The following STAC variants were observed in gnomAD, a reference collection of about 807,000 sequenced individuals.
STAC encodes the protein SH3 and cysteine rich domain, also known as SH3 and cysteine-rich domain-containing protein.
A neutral mutation model predicts 48.8 loss-of-function variants in STAC; 43 were observed. The observed-to-expected ratio is 0.88, with a 90% CI of 0.69 to 1.14. The LOEUF (loss-of-function observed/expected upper bound fraction) is 1.14. Ranked by LOEUF, STAC falls within the 50% of genes most tolerant of loss-of-function variation. STAC has a pLI of 0.00. For synonymous variants in STAC, 193 were observed against 179.5 expected (o/e 1.07, Z -0.60); for missense variants, 497 against 504.0 (o/e 0.99, Z 0.13).
chr3:36,532,136 A>G (rs1313931219), intron 10 of STAC, among the ~76,000 whole-genome samples: 1 of 152,170 alleles, frequency 6.6e-6, no homozygotes, highest in South Asian at 2.1e-4. Context: ...ATATCCAACA[A>G]TTGCTATATC....
At chr3:36,484,922 G>A (rs1697761056) in intron 3 of STAC, 55 bp from the exon 4 acceptor site, 3 of 1,438,708 alleles carry the variant, frequency 2.1e-6, no homozygotes, top group Non-Finnish European at 1.9e-6. Flanking sequence ...GCTCTTGTAT[G>A]GTTTTCTCCA....
chr3:36,416,192 C>T (rs1700315362), intron 1 of STAC, among the ~76,000 whole-genome samples: 1 of 152,102 alleles, frequency 6.6e-6, no homozygotes, highest in Non-Finnish European at 1.5e-5. Flanking sequence ...TTAGTCAGGC[C>T]AAGCATGGTG....
At chr3:36,444,906 G>C (rs910100948) in intron 2 of STAC, among the ~76,000 whole-genome samples, 69 of 152,150 alleles carry the variant, frequency 4.5e-4, no homozygotes, top group African/African-American at 1.6e-3. Context: ...GGGCGATGGA[G>C]GGTCTCATCA....
chr3:36,458,037 GT>G (rs1168524685), intron 2 of STAC, among the ~76,000 whole-genome samples: 9 of 152,182 alleles, frequency 5.9e-5, no homozygotes, highest in African/African-American at 7.2e-5. Flanking sequence ...CTAAGACAGG[GT>G]TGGAAAAGAT....
intron 1 of STAC, among the ~76,000 whole-genome samples, chr3:36,441,511 T>C (rs1477047082): frequency 1.3e-5 from 2 of 152,206 alleles, no homozygotes; most frequent in African/African-American, 2.4e-5. Flanking sequence ...GACCCATAGA[T>C]TGACTCCATA....
At chr3:36,460,701 C>T (rs901173709) in intron 2 of STAC, among the ~76,000 whole-genome samples, 6 of 152,076 alleles carry the variant, frequency 3.9e-5, no homozygotes, top group Admixed American at 3.3e-4. Flanking sequence ...TGGAAAACCT[C>T]GGTCAGAAAA....
chr3:36,380,559 CAGCCTGGCGCGCGGCG>C lies in STAC; in HGVS notation c.-84_-69del. On this transcript the variant is annotated 5_prime_UTR_variant, in exon 1 of 11. Transcript: ENST00000273183. ...GGAGTCCCCAGGACCCGGAGCTGAG[CAGCCTGGCGCGCGGCG>C]GGCAGGGCGCGCAGGACAGAAGCCT... is the stretch of plus-strand genomic sequence containing the variant. 8.9e-7 allele frequency: 1 copy of C among 1,122,288 alleles called. No homozygotes were observed. The highest frequency in any genetic ancestry group is 1.3e-6 in the Non-Finnish European group (1 of 763,740). The allele number at this position is 1,122,288 out of a possible 1,614,324, so 69.5% of individuals were successfully genotyped here. A position where few individuals can be genotyped will look rare whatever the true frequency, so the allele number is the denominator to read the frequency against.
At chr3:36,488,237 C>T (rs1180480345) in intron 5 of STAC, among the ~76,000 whole-genome samples, 2 of 152,138 alleles carry the variant, frequency 1.3e-5, no homozygotes, top group African/African-American at 4.8e-5. Context: ...CCAGCTGTTT[C>T]ATTTTCATTA....
intron 8 of STAC, among the ~76,000 whole-genome samples, chr3:36,506,934 T>G (rs1698416793): frequency 6.6e-6 from 1 of 152,204 alleles, no homozygotes; most frequent in South Asian, 2.1e-4. Flanking sequence ...GTTGCCTGAT[T>G]GCCCTGGCCA....
chr3:36,448,983 G>A (rs1398270989), intron 2 of STAC, among the ~76,000 whole-genome samples: 1 of 151,604 alleles, frequency 6.6e-6, no homozygotes, highest in Non-Finnish European at 1.5e-5. Flanking sequence ...GCCAGGCATA[G>A]TAGCACACAC....
At chr3:36,494,141 GACTCCGTCTC>G (rs1420963364) in intron 6 of STAC, among the ~76,000 whole-genome samples, 4 of 109,518 alleles carry the variant, frequency 3.7e-5, no homozygotes, top group Non-Finnish European at 6.7e-5. Flanking sequence ...CACAGAGCGA[GACTCCGTCTC>G]AAAAAAAAAA....
intron 2 of STAC, among the ~76,000 whole-genome samples, chr3:36,468,750 A>ATGTGTGTGTGTG (rs142552025): frequency 2.1e-5 from 3 of 145,526 alleles, no homozygotes; most frequent in African/African-American, 7.5e-5. Flanking sequence ...AAATACATAT[A>ATGTGTGTGTGTG]TGTGTGTGTG....
At chr3:36,509,758 T>C (rs978352754) in intron 8 of STAC, among the ~76,000 whole-genome samples, 1 of 151,962 alleles carries the variant, frequency 6.6e-6, no homozygotes, top group Non-Finnish European at 1.5e-5. Context: ...GCTAGCCATA[T>C]GCAGAACACT....
At chr3:36,445,353 A>G (rs566509576) in intron 2 of STAC, among the ~76,000 whole-genome samples, 1 of 152,198 alleles carries the variant, frequency 6.6e-6, no homozygotes, top group African/African-American at 2.4e-5. Context: ...AAAGAAAGAA[A>G]AAAAAGAATC....
chr3:36,380,833 C>A (rs1047307829), intron 1 of STAC, 79 bp downstream of exon 1: 45 of 1,137,982 alleles, frequency 4.0e-5, no homozygotes, highest in Non-Finnish European at 5.7e-5. Context: ...CTCCTCCTAT[C>A]TAGCACGGGC....
At position 36,381,027 on chromosome 3, in the gene STAC, T is replaced by A. The variant is rs1391441446; in HGVS notation, c.111+273T>A. 6.6e-5 allele frequency among the ~76,000 whole-genome samples: 10 copies of A among 151,866 alleles called. No individual in the cohort carries two copies. The East Asian group carries it at 1.9e-3, about 29-fold the overall frequency. ...TTTCTTGCGGGGTGGTAGCTTGGTTTTTTTTGTGCTTTGAACCTGCTTGTG... is the reference window on the plus strand; with the variant it reads ...TTTCTTGCGGGGTGGTAGCTTGGTTATTTTTGTGCTTTGAACCTGCTTGTG... On this transcript the variant is annotated intron_variant, in intron 1 of 10. Coordinates refer to ENST00000273183, the MANE Select transcript of STAC (RefSeq NM_003149.3).
chr3:36,482,852 TA>T lies in STAC; in HGVS notation c.389-139del, dbSNP rs538868294. The T allele has an allele frequency of 1.4e-3, 844 of 621,994 alleles. 1 individual carries two copies. Among genetic ancestry groups the T allele is most frequent in the Non-Finnish European group, 1.9e-3 (644 of 345,222 alleles). The allele number at this position is 621,994 out of a possible 1,614,324, so 38.5% of individuals were successfully genotyped here. ...AGAAAGCAAAAGAATCTACCATATA[TA>T]TTTTTTTTCTATTTTGAAAGCTTCA... On this transcript the variant is annotated intron_variant, in intron 2 of 10. Transcript: ENST00000273183.
intron 2 of STAC, among the ~76,000 whole-genome samples, chr3:36,466,679 T>C (rs1697181018): frequency 6.6e-6 from 1 of 152,216 alleles, no homozygotes. Flanking sequence ...GAGCTATTGA[T>C]TTGGGTACAT....
At chr3:36,424,996 G>T (rs540498276) in intron 1 of STAC, among the ~76,000 whole-genome samples, 1 of 152,198 alleles carries the variant, frequency 6.6e-6, no homozygotes, top group African/African-American at 2.4e-5. Flanking sequence ...TAAGTTTGAA[G>T]GCAAAAATTC....
Sources: gnomAD v4.1 joint callset for allele counts (sites outside exome capture counted in the v4.1 genomes callset) on GRCh38, gnomAD v4.1.1 for gene constraint, MANE v1.5 for transcripts, NCBI Gene and HGNC (gene_info 2026-07-23, HGNC 2026-07-21) for gene names.